The following PARD3 variants were observed in gnomAD, a reference collection of about 807,000 sequenced individuals.
PARD3 encodes the protein par-3 family cell polarity regulator.
In PARD3, 75 loss-of-function variants were observed where a neutral mutation model predicts 155.4. The ratio of observed to expected loss-of-function variants is 0.48; its 90% confidence interval spans 0.40 to 0.58. PARD3 has a LOEUF of 0.58. PARD3 is among the 20% of genes least tolerant of loss of function. The probability of loss-of-function intolerance (pLI) is 0.00; values close to 1 mark genes in which losing one functional copy is unlikely to be tolerated. For missense variants in PARD3, 1,642 were observed against 1,721.7 expected, an observed-to-expected ratio of 0.95 and a Z score of 0.82; for synonymous variants, 576 against 610.5, an observed-to-expected ratio of 0.94 and a Z score of 0.83.
chr10:34,587,337 G>C (rs1364378479), intron 2 of PARD3, among the ~76,000 whole-genome samples: 1 of 152,066 alleles, frequency 6.6e-6, no homozygotes, highest in Admixed American at 6.6e-5. Flanking sequence ...TGGCCAGTCT[G>C]GTCTCAAACT....
intron 3 of PARD3, among the ~76,000 whole-genome samples, chr10:34,503,584 G>A (rs1384959045): frequency 6.6e-6 from 1 of 152,036 alleles, no homozygotes; most frequent in African/African-American, 2.4e-5. Context: ...TACTACCAAA[G>A]TACTACTAAA....
intron 23 of PARD3, among the ~76,000 whole-genome samples, chr10:34,128,857 G>A (rs1395075658): frequency 6.6e-6 from 1 of 152,156 alleles, no homozygotes; most frequent in East Asian, 1.9e-4. Flanking sequence ...ACTTGTTTCA[G>A]AATGAGTTGG....
chr10:34,612,028 G>A (rs376895856), intron 2 of PARD3, among the ~76,000 whole-genome samples: 86 of 149,182 alleles, frequency 5.8e-4, no homozygotes, highest in African/African-American at 2.0e-3. Context: ...GGGTTTCACC[G>A]TGTTAGCCAG....
intron 2 of PARD3, among the ~76,000 whole-genome samples, chr10:34,596,918 A>G (rs972525173): frequency 1.3e-5 from 2 of 152,200 alleles, no homozygotes; most frequent in African/African-American, 2.4e-5. Context: ...AGGTACATCA[A>G]TAAGAAATTG....
chr10:34,776,065 A>C (rs1839494477), intron 1 of PARD3, among the ~76,000 whole-genome samples: 1 of 152,222 alleles, frequency 6.6e-6, no homozygotes, highest in South Asian at 2.1e-4. Flanking sequence ...TCTCTACTAA[A>C]AATTTATATA....
chr10:34,347,766 A>C (rs1837582997), intron 15 of PARD3, among the ~76,000 whole-genome samples, 199 bp downstream of exon 15: 2 of 152,156 alleles, frequency 1.3e-5, no homozygotes, highest in African/African-American at 4.8e-5. Flanking sequence ...CACTTAAATC[A>C]ATGGATTGAT....
chr10:34,424,659 C>T (rs1589523314), intron 5 of PARD3, among the ~76,000 whole-genome samples: 2 of 151,920 alleles, frequency 1.3e-5, no homozygotes, highest in South Asian at 2.1e-4. Context: ...GGACTACAGG[C>T]GCGCACCACC....
chr10:34,791,046 G>C (rs990326414), intron 1 of PARD3, among the ~76,000 whole-genome samples: 3 of 152,190 alleles, frequency 2.0e-5, no homozygotes, highest in African/African-American at 4.8e-5. Flanking sequence ...TGGAAAAAAA[G>C]ACAAGTGCAG....
chr10:34,541,295 G>A (rs1354072096), intron 2 of PARD3, among the ~76,000 whole-genome samples: 2 of 152,206 alleles, frequency 1.3e-5, no homozygotes, highest in Non-Finnish European at 2.9e-5. Context: ...AGAACTTCCA[G>A]TGTGCTTAAG....
intron 23 of PARD3, among the ~76,000 whole-genome samples, chr10:34,120,280 C>CA (rs1298499700): frequency 6.7e-6 from 1 of 148,484 alleles, no homozygotes; most frequent in Non-Finnish European, 1.5e-5. Flanking sequence ...GCTGAGATTA[C>CA]AGGTGTAAGC....
intron 2 of PARD3, among the ~76,000 whole-genome samples, chr10:34,557,309 A>G (rs1471912506): frequency 1.3e-5 from 2 of 152,144 alleles, no homozygotes; most frequent in Admixed American, 1.3e-4. Flanking sequence ...CATCATACAG[A>G]ATATGGTATA....
intron 2 of PARD3, among the ~76,000 whole-genome samples, chr10:34,687,846 CTTT>C (rs397846339): frequency 6.1e-4 from 39 of 63,706 alleles, no homozygotes; most frequent in African/African-American, 2.4e-3. Context: ...CACCTGAAAT[CTTT>C]TTTTTTTTTT....
At chr10:34,370,424 T>A (rs750930613) in intron 12 of PARD3, among the ~76,000 whole-genome samples, 5 of 152,060 alleles carry the variant, frequency 3.3e-5, no homozygotes, top group Admixed American at 6.6e-5. Flanking sequence ...CACGACTGAC[T>A]ACATGTTTTT....
Position 34,502,241 on chromosome 10 carries a change from G to A in PARD3, c.403+14738C>T, listed in dbSNP as rs574745516. Among the ~76,000 whole-genome samples the A allele has an allele frequency of 3.9e-5, 6 of 152,308 alleles. No homozygotes were observed. The South Asian group carries it at 1.2e-3, about 32-fold the overall frequency. ...AATTCAAGACTATGTAGTCACATGAGTCTTAAACGTGGAAGAGAAGGTCAG... is the reference window on the plus strand; with the variant it reads ...AATTCAAGACTATGTAGTCACATGAATCTTAAACGTGGAAGAGAAGGTCAG... On this transcript the variant is annotated intron_variant, in intron 3 of 24. Transcript: ENST00000374788.
chr10:34,419,536 G>A (rs1396130472), intron 5 of PARD3, among the ~76,000 whole-genome samples: 2 of 152,026 alleles, frequency 1.3e-5, no homozygotes. Context: ...GAAAAGAAAA[G>A]AAGTAATGTG....
intron 9 of PARD3, among the ~76,000 whole-genome samples, chr10:34,379,773 A>G (rs555479328): frequency 6.6e-6 from 1 of 152,246 alleles, no homozygotes; most frequent in East Asian, 1.9e-4. Flanking sequence ...TGACTTTATT[A>G]AAAAGCTAAT....
In PARD3 at chr10:34,372,592, A is replaced by G. The variant is rs1307119239; in HGVS notation, c.1669-56T>C. ...GACTGACCAAAGCCATCTTCAACAC[A>G]CAGGGACACAATGATTTATTTTAAA... On this transcript the variant is annotated intron_variant, in intron 11 of 24. Transcript: ENST00000374788. 4.3e-6 allele frequency: 5 copies of G among 1,159,292 alleles called. No homozygotes were observed. The African/African-American group carries it at 7.6e-5, about 18-fold the overall frequency. The allele number at this position is 1,159,292 out of a possible 1,614,324, so 71.8% of individuals were successfully genotyped here.
intron 22 of PARD3, among the ~76,000 whole-genome samples, chr10:34,242,721 G>C (rs368124827): frequency 6.6e-6 from 1 of 152,090 alleles, no homozygotes; most frequent in African/African-American, 2.4e-5. Context: ...ATCATTTGAG[G>C]TCAGGAGTTC....
intron 16 of PARD3, among the ~76,000 whole-genome samples, chr10:34,340,895 A>G (rs895928175): frequency 6.6e-6 from 1 of 152,172 alleles, no homozygotes; most frequent in Non-Finnish European, 1.5e-5. Context: ...AGAAAGGGCA[A>G]TGAGAAAATT....
Sources: allele counts gnomAD v4.1 joint callset (sites outside exome capture counted in the v4.1 genomes callset), GRCh38; gene constraint gnomAD v4.1.1; transcripts MANE v1.5; gene names NCBI Gene and HGNC (gene_info 2026-07-23, HGNC 2026-07-21).